Variants in TIAM2 observed in about 807,000 individuals in gnomAD.
The protein encoded by TIAM2 is TIAM Rac1 associated GEF 2.
Under a neutral mutation model 152.9 loss-of-function variants are expected in TIAM2, and 80 were observed. That is an observed-to-expected ratio of 0.52 (90% CI 0.44 to 0.63). The LOEUF is 0.63. TIAM2 is among the 30% of genes least tolerant of loss of function. The probability of loss-of-function intolerance (pLI) is 0.00; values close to 1 mark genes in which losing one functional copy is unlikely to be tolerated. For missense variants in TIAM2, 1,965 were observed against 2,120.1 expected, an observed-to-expected ratio of 0.93 and a Z score of 1.44; for synonymous variants, 804 against 838.0, an observed-to-expected ratio of 0.96 and a Z score of 0.70.
intron 15 of TIAM2, among the ~76,000 whole-genome samples, chr6:155,220,864 C>T (rs1258045075): frequency 6.6e-6 from 1 of 152,068 alleles, no homozygotes; most frequent in African/African-American, 2.4e-5. Flanking sequence ...TTGCTGCACC[C>T]ATCAACCCAT....
At chr6:155,056,135 A>T (rs186257352) in intron 1 of TIAM2, among the ~76,000 whole-genome samples, 4 of 147,720 alleles carry the variant, frequency 2.7e-5, no homozygotes, top group East Asian at 3.9e-4. Flanking sequence ...GATGCTGTCT[A>T]ATTGGTTCTA....
intron 1 of TIAM2, among the ~76,000 whole-genome samples, chr6:155,073,940 A>T (rs1284435417): frequency 1.3e-5 from 2 of 152,154 alleles, no homozygotes; most frequent in Admixed American, 1.3e-4. Flanking sequence ...TGGTAGGTGG[A>T]AAATGCAATG....
chr6:155,202,692 T>G (rs1781501492), intron 14 of TIAM2, among the ~76,000 whole-genome samples: 1 of 151,318 alleles, frequency 6.6e-6, no homozygotes, highest in Non-Finnish European at 1.5e-5. Flanking sequence ...CCTCCCAAAG[T>G]TCTCGGATTA....
chr6:155,222,535 A>G (rs1390381729), intron 15 of TIAM2, among the ~76,000 whole-genome samples: 1 of 151,642 alleles, frequency 6.6e-6, no homozygotes, highest in Non-Finnish European at 1.5e-5. Flanking sequence ...CAGGAGGCAG[A>G]GGTTGCAGTG....
At position 155,034,661 on chromosome 6, in the gene TIAM2, C is replaced by T. The variant is rs1214334980; in HGVS notation, c.-209+39169C>T. On this transcript the variant is annotated intron_variant, in intron 1 of 26. Transcript: ENST00000682666. ...ATGAAGTCTTTTCACCTCAGAGTTGCATCTCTCTGTGGAGCTCCTGCCTCA... is the reference window on the plus strand; with the variant it reads ...ATGAAGTCTTTTCACCTCAGAGTTGTATCTCTCTGTGGAGCTCCTGCCTCA... Among the ~76,000 whole-genome samples the T allele has an allele frequency of 2.6e-5, 4 of 152,152 alleles. No individual in the cohort carries two copies. The East Asian group carries it at 7.7e-4, about 29-fold the overall frequency.
intron 22 of TIAM2, 112 bp from the exon 23 acceptor site, chr6:155,251,833 T>C (rs756961939): frequency 2.5e-6 from 2 of 816,016 alleles, no homozygotes; most frequent in Non-Finnish European, 4.0e-6. Context: ...GAGTGAGGTC[T>C]TAGAGACTCA....
chr6:155,179,309 G>A, intron 11 of TIAM2, 69 bp from the exon 12 acceptor site: 2 of 1,530,130 alleles, frequency 1.3e-6, no homozygotes, highest in Admixed American at 1.7e-5. Context: ...ATGAAAAATA[G>A]TGTCAAAGTA....
At chr6:155,204,244 C>A (rs1046999469) in intron 14 of TIAM2, among the ~76,000 whole-genome samples, 1 of 152,040 alleles carries the variant, frequency 6.6e-6, no homozygotes, top group Non-Finnish European at 1.5e-5. Flanking sequence ...AGATGGCAAC[C>A]CAATAAATAA....
chr6:155,254,603 C>G (rs1015840959), intron 26 of TIAM2, 30 bp downstream of exon 26: 1 of 1,601,858 alleles, frequency 6.2e-7, no homozygotes, highest in African/African-American at 1.3e-5. Flanking sequence ...TGTGTTTATT[C>G]AACAAAATAT....
chr6:155,188,075 G>A (rs1781097282), intron 14 of TIAM2, among the ~76,000 whole-genome samples: 1 of 152,184 alleles, frequency 6.6e-6, no homozygotes, highest in African/African-American at 2.4e-5. Flanking sequence ...CCGAGGTTTT[G>A]AGGATGGAAT....
chr6:155,191,402 A>G (rs1207503670), intron 14 of TIAM2, among the ~76,000 whole-genome samples: 2 of 152,200 alleles, frequency 1.3e-5, no homozygotes, highest in Non-Finnish European at 2.9e-5. Context: ...ACGCAGATAC[A>G]TTCCTCCTAC....
intron 5 of TIAM2, among the ~76,000 whole-genome samples, chr6:155,140,081 C>G (rs1021343826): frequency 6.6e-6 from 1 of 152,218 alleles, no homozygotes. Context: ...TGATCTTTAG[C>G]TACCTCATTA....
intron 21 of TIAM2, 167 bp from the exon 22 acceptor site, chr6:155,250,744 CAT>C (rs1373603092): frequency 1.8e-6 from 2 of 1,141,282 alleles, no homozygotes; most frequent in Admixed American, 4.5e-5. Context: ...GTGCTTAACT[CAT>C]ATTTTCAAAA....
chr6:155,212,901 G>A (rs1226886372), intron 15 of TIAM2, among the ~76,000 whole-genome samples: 3 of 152,302 alleles, frequency 2.0e-5, no homozygotes, highest in African/African-American at 7.2e-5. Flanking sequence ...CTCTAGCACG[G>A]GCGCCGGTTC....
chr6:155,210,525 T>C lies in TIAM2; in HGVS notation c.3065-679T>C, dbSNP rs183020256. Among the ~76,000 whole-genome samples the C allele has an allele frequency of 1.4e-3, 215 of 152,124 alleles. 1 individual carries two copies. Among genetic ancestry groups the C allele is most frequent in the African/African-American group, 5.0e-3 (208 of 41,508 alleles). On this transcript the variant is annotated intron_variant, in intron 14 of 26. Transcript: ENST00000682666. Reference sequence around the variant, plus strand: ...TTTTCAATTTCTCGTAGAGACACTATGTAGTCTCACTATGTTGCCCAGGGT... The same window carrying C: ...TTTTCAATTTCTCGTAGAGACACTACGTAGTCTCACTATGTTGCCCAGGGT...
intron 9 of TIAM2, among the ~76,000 whole-genome samples, chr6:155,169,690 A>C (rs1469494710): frequency 1.3e-5 from 2 of 152,190 alleles, no homozygotes; most frequent in African/African-American, 2.4e-5. Flanking sequence ...TGACCAAACA[A>C]ATCCTCAGAA....
Position 155,154,372 on chromosome 6 carries a change from G to A in TIAM2, c.2028+6038G>A, listed in dbSNP as rs145091378. 1.4e-3 allele frequency among the ~76,000 whole-genome samples: 215 copies of A among 152,216 alleles called. 1 individual carries two copies. The highest frequency in any genetic ancestry group is 2.6e-3 in the Admixed American group (39 of 15,288). ...CTTTTTGAAATAAAAAGGCACTATC[G>A]CAGTTGTAACATACCGGCTGAGCTA... On this transcript the variant is annotated intron_variant, in intron 7 of 26. Coordinates refer to ENST00000682666, the MANE Select transcript of TIAM2 (RefSeq NM_012454.4).
intron 2 of TIAM2, among the ~76,000 whole-genome samples, chr6:155,092,021 C>T (rs13211969): frequency 0.011 from 1,750 of 152,338 alleles, 23 homozygotes; most frequent in African/African-American, 0.039. Flanking sequence ...CCTCAGCCTC[C>T]TGAGTAGCTG....
intron 2 of TIAM2, among the ~76,000 whole-genome samples, chr6:155,100,821 GAA>G (rs1778534767): frequency 6.6e-6 from 1 of 152,160 alleles, no homozygotes; most frequent in South Asian, 2.1e-4. Flanking sequence ...GAGGGTTAGA[GAA>G]ATTAAATGAT....
Sources: gnomAD v4.1 joint callset for allele counts (sites outside exome capture counted in the v4.1 genomes callset) on GRCh38, gnomAD v4.1.1 for gene constraint, MANE v1.5 for transcripts, NCBI Gene and HGNC (gene_info 2026-07-23, HGNC 2026-07-21) for gene names.